The following ST6GALNAC3 variants were observed in gnomAD, a reference collection of about 807,000 sequenced individuals.
The protein encoded by ST6GALNAC3 is ST6 N-acetylgalactosaminide alpha-2,6-sialyltransferase 3, also known as alpha-N-acetylgalactosaminide alpha-2,6-sialyltransferase 3.
Under a neutral mutation model 32.7 loss-of-function variants are expected in ST6GALNAC3, and 25 were observed. The observed-to-expected ratio is 0.76, with a 90% CI of 0.56 to 1.07. The LOEUF (loss-of-function observed/expected upper bound fraction) is 1.07, where lower values mean the gene tolerates loss of function less well. ST6GALNAC3 is among the 50% of genes least tolerant of loss of function. The pLI, the probability that ST6GALNAC3 is intolerant of heterozygous loss-of-function variation, is 0.00. For missense variants in ST6GALNAC3, 355 were observed against 382.4 expected (o/e 0.93, Z 0.60); for synonymous variants, 129 against 133.1 (o/e 0.97, Z 0.21).
intron 1 of ST6GALNAC3, among the ~76,000 whole-genome samples, chr1:76,154,586 C>T (rs910233706): frequency 7.2e-5 from 11 of 152,276 alleles, no homozygotes; most frequent in African/African-American, 2.4e-4. Context: ...CAGAAGCATC[C>T]GCCTTGGTAA....
chr1:76,389,168 C>T (rs1652339342), intron 2 of ST6GALNAC3, among the ~76,000 whole-genome samples: 1 of 151,880 alleles, frequency 6.6e-6, no homozygotes, highest in Non-Finnish European at 1.5e-5. Context: ...CTTTGAGAAG[C>T]TGAGCTCTGG....
chr1:76,627,644 T>G, intron 4 of ST6GALNAC3, 85 bp downstream of exon 4: 1 of 1,018,778 alleles, frequency 9.8e-7, no homozygotes, highest in South Asian at 1.3e-5. Context: ...ACCATAAATC[T>G]GAGAAACAGA....
At chr1:76,350,318 T>C (rs1648871653) in intron 2 of ST6GALNAC3, among the ~76,000 whole-genome samples, 1 of 152,180 alleles carries the variant, frequency 6.6e-6, no homozygotes, top group South Asian at 2.1e-4. Context: ...CACATCACTG[T>C]CCCTAGCACA....
intron 1 of ST6GALNAC3, among the ~76,000 whole-genome samples, chr1:76,162,328 T>C (rs1157867942): frequency 6.6e-6 from 1 of 152,248 alleles, no homozygotes; most frequent in African/African-American, 2.4e-5. Flanking sequence ...TTCTCCGTTG[T>C]AGCCAGATAA....
At chr1:76,249,507 T>C (rs956538890) in intron 1 of ST6GALNAC3, among the ~76,000 whole-genome samples, 3 of 152,166 alleles carry the variant, frequency 2.0e-5, no homozygotes, top group Non-Finnish European at 4.4e-5. Flanking sequence ...TTCTATAAAG[T>C]TACCATATCT....
At position 76,120,742 on chromosome 1, in the gene ST6GALNAC3, A is replaced by G. The variant is rs183895952; in HGVS notation, c.18+45858A>G. On this transcript the variant is annotated intron_variant, in intron 1 of 4. Coordinates refer to ENST00000328299, the MANE Select transcript of ST6GALNAC3 (RefSeq NM_152996.4). ...AACTCCTGCTCTTTCTCTGAAGAGC[A>G]CTGATGCTCTCTGTTTCAGTAAATG... is the stretch of plus-strand genomic sequence containing the variant. Among the ~76,000 whole-genome samples, 4 of 152,324 alleles carry G rather than the reference A, an allele frequency of 2.6e-5. No homozygotes were observed. In the East Asian group the frequency reaches 5.8e-4, roughly 22 times the overall value.
At chr1:76,431,736 C>A (rs1044387895) in intron 3 of ST6GALNAC3, among the ~76,000 whole-genome samples, 4 of 152,106 alleles carry the variant, frequency 2.6e-5, no homozygotes, top group Non-Finnish European at 4.4e-5. Flanking sequence ...AGACTTAATA[C>A]AACCCTGCCC....
chr1:76,322,029 G>A (rs1352844916), intron 2 of ST6GALNAC3, among the ~76,000 whole-genome samples: 2 of 152,086 alleles, frequency 1.3e-5, no homozygotes, highest in African/African-American at 4.8e-5. Context: ...ATTTATTACA[G>A]AGCCTTAGGT....
intron 2 of ST6GALNAC3, among the ~76,000 whole-genome samples, chr1:76,379,548 A>T (rs1425903018): frequency 6.6e-6 from 1 of 152,166 alleles, no homozygotes; most frequent in East Asian, 1.9e-4. Flanking sequence ...AGAAAGAGAG[A>T]ATCTCATGAC....
At chr1:76,313,697 C>A in intron 1 of ST6GALNAC3, 108 bp from the exon 2 acceptor site, 3 of 1,141,972 alleles carry the variant, frequency 2.6e-6, no homozygotes, top group Non-Finnish European at 3.9e-6. Context: ...ATGACAGAAT[C>A]CTTCGACCCC....
At chr1:76,365,729 G>T (rs1018512769) in intron 2 of ST6GALNAC3, among the ~76,000 whole-genome samples, 11 of 152,114 alleles carry the variant, frequency 7.2e-5, no homozygotes, top group African/African-American at 2.7e-4. Flanking sequence ...TTACAATAAT[G>T]ACAAGCATGG....
chr1:76,136,112 CT>C (rs1232238735), intron 1 of ST6GALNAC3, among the ~76,000 whole-genome samples: 8 of 151,808 alleles, frequency 5.3e-5, no homozygotes, highest in African/African-American at 1.7e-4. Context: ...AACACAGGTG[CT>C]TTATTTTAGA....
At chr1:76,555,520 G>A (rs1664865511) in intron 3 of ST6GALNAC3, among the ~76,000 whole-genome samples, 1 of 152,112 alleles carries the variant, frequency 6.6e-6, no homozygotes, top group African/African-American at 2.4e-5. Context: ...CAAACAAAGT[G>A]AACCTGGTCA....
At chr1:76,223,831 A>C (rs1655915911) in intron 1 of ST6GALNAC3, among the ~76,000 whole-genome samples, 1 of 151,904 alleles carries the variant, frequency 6.6e-6, no homozygotes, top group Non-Finnish European at 1.5e-5. Flanking sequence ...TATGCCTAAA[A>C]TCTCTCTAGC....
chr1:76,129,401 C>T (rs571094549), intron 1 of ST6GALNAC3, among the ~76,000 whole-genome samples: 71 of 152,246 alleles, frequency 4.7e-4, no homozygotes, highest in African/African-American at 1.6e-3. Context: ...ACTGCCTGCT[C>T]CTCTACCCCT....
intron 1 of ST6GALNAC3, among the ~76,000 whole-genome samples, chr1:76,202,793 A>C (rs962852392): frequency 6.6e-6 from 1 of 152,166 alleles, no homozygotes; most frequent in African/African-American, 2.4e-5. Context: ...TGTATTTTCA[A>C]TGTACTGATT....
chr1:76,132,172 G>A (rs1649652437), intron 1 of ST6GALNAC3, among the ~76,000 whole-genome samples: 1 of 152,186 alleles, frequency 6.6e-6, no homozygotes, highest in African/African-American at 2.4e-5. Context: ...GCAGGTCACT[G>A]TGGGAGCGTG....
intron 1 of ST6GALNAC3, among the ~76,000 whole-genome samples, chr1:76,186,467 A>G (rs1053360010): frequency 1.9e-4 from 28 of 149,436 alleles, no homozygotes; most frequent in South Asian, 6.3e-4. Context: ...ATCCTGAGGG[A>G]AAAAAAAAGC....
intron 1 of ST6GALNAC3, among the ~76,000 whole-genome samples, chr1:76,246,731 C>T (rs1294824561): frequency 2.6e-5 from 4 of 152,122 alleles, no homozygotes; most frequent in Non-Finnish European, 5.9e-5. Flanking sequence ...TGCTTAGCTT[C>T]CTTGCATTGG....
Sources: allele counts gnomAD v4.1 joint callset (sites outside exome capture counted in the v4.1 genomes callset), GRCh38; gene constraint gnomAD v4.1.1; transcripts MANE v1.5; gene names NCBI Gene and HGNC (gene_info 2026-07-23, HGNC 2026-07-21).